The following ZNF385D variants were observed in gnomAD, a reference collection of about 807,000 sequenced individuals.
ZNF385D encodes the protein zinc finger protein 659.
Under a neutral mutation model 35.8 loss-of-function variants are expected in ZNF385D, and 15 were observed. The ratio of observed to expected loss-of-function variants is 0.42; its 90% CI spans 0.28 to 0.64. The LOEUF (loss-of-function observed/expected upper bound fraction) is 0.64, where lower values mean the gene tolerates loss of function less well. ZNF385D is among the 30% of genes least tolerant of loss of function. ZNF385D has a pLI of 0.23. For missense variants in ZNF385D, 474 were observed against 494.6 expected, an observed-to-expected ratio of 0.96 and a Z score of 0.39; for synonymous variants, 212 against 186.8, an observed-to-expected ratio of 1.13 and a Z score of -1.10.
At chr3:22,199,788 C>T (rs75580050) in intron 2 of ZNF385D, among the ~76,000 whole-genome samples, 1 of 151,880 alleles carries the variant, frequency 6.6e-6, no homozygotes, top group Non-Finnish European at 1.5e-5. Flanking sequence ...AGAATTAATA[C>T]CCAGTCAACA....
At chr3:22,088,292 T>G (rs1440965913) in intron 3 of ZNF385D, among the ~76,000 whole-genome samples, 1 of 152,178 alleles carries the variant, frequency 6.6e-6, no homozygotes, top group Non-Finnish European at 1.5e-5. Context: ...TGATAAAACA[T>G]GAGAGGGCTC....
chr3:21,592,543 C>CAA (rs3041752), intron 2 of ZNF385D, among the ~76,000 whole-genome samples: 43,389 of 123,862 alleles, frequency 0.35, 7,076 homozygotes, highest in Middle Eastern at 0.41. Context: ...GTCTTCATGG[C>CAA]AAAAAAAAAA....
intron 4 of ZNF385D, among the ~76,000 whole-genome samples, chr3:21,453,289 A>C (rs1559460524): frequency 6.6e-6 from 1 of 151,954 alleles, no homozygotes; most frequent in Non-Finnish European, 1.5e-5. Context: ...AGGAATAAAT[A>C]TTTGTGACCT....
Position 21,740,772 on chromosome 3 carries a change from G to A in ZNF385D, c.22+10123C>T, listed in dbSNP as rs574331074. ...CCTGGGGCAATGTGGAACTTCCCAG[G>A]GCCTCAGGATGCTTACTGTAAAATG... On this transcript the variant is annotated intron_variant, in intron 1 of 7. Coordinates refer to ENST00000281523, the MANE Select transcript of ZNF385D (RefSeq NM_024697.3). Among the ~76,000 whole-genome samples, 9 of 152,224 alleles carry A rather than the reference G, an allele frequency of 5.9e-5. 1 individual carries two copies. The South Asian group carries it at 1.7e-3, about 28-fold the overall frequency.
chr3:22,080,762 G>A (rs947383538), intron 3 of ZNF385D, among the ~76,000 whole-genome samples: 3 of 152,090 alleles, frequency 2.0e-5, no homozygotes, highest in African/African-American at 7.2e-5. Context: ...GGGGCAATTA[G>A]ATTATGAGGG....
chr3:22,131,918 G>A (rs1703818119), intron 3 of ZNF385D, among the ~76,000 whole-genome samples: 1 of 152,122 alleles, frequency 6.6e-6, no homozygotes, highest in African/African-American at 2.4e-5. Context: ...GGAGGCTGAT[G>A]CTAATGAATT....
At chr3:21,834,748 G>A (rs1389356590) in intron 3 of ZNF385D, among the ~76,000 whole-genome samples, 1 of 127,284 alleles carries the variant, frequency 7.9e-6, no homozygotes, top group Non-Finnish European at 1.6e-5. Flanking sequence ...CGTGTCGACA[G>A]TGGGATCTCG....
intron 3 of ZNF385D, among the ~76,000 whole-genome samples, chr3:22,118,601 T>A (rs983764105): frequency 1.3e-5 from 2 of 152,112 alleles, no homozygotes; most frequent in Non-Finnish European, 2.9e-5. Context: ...TCAACTTTTT[T>A]TTCCCAATGA....
intron 3 of ZNF385D, among the ~76,000 whole-genome samples, chr3:21,796,904 G>C (rs1049231431): frequency 6.6e-6 from 1 of 152,174 alleles, no homozygotes; most frequent in Non-Finnish European, 1.5e-5. Context: ...AGGACTCTGA[G>C]TTCCCACCTC....
intron 1 of ZNF385D, among the ~76,000 whole-genome samples, chr3:21,694,317 G>T (rs889563284): frequency 1.3e-5 from 2 of 151,972 alleles, no homozygotes; most frequent in African/African-American, 4.8e-5. Flanking sequence ...TTACAGGCGT[G>T]AGCCACCGCG....
At chr3:22,171,899 A>AG (rs1282207816) in intron 2 of ZNF385D, among the ~76,000 whole-genome samples, 3 of 146,568 alleles carry the variant, frequency 2.0e-5, no homozygotes, top group Non-Finnish European at 4.5e-5. Flanking sequence ...AAAAAAAAAA[A>AG]AAATTATAGA....
intron 3 of ZNF385D, among the ~76,000 whole-genome samples, chr3:22,027,937 C>T (rs899687061): frequency 2.6e-5 from 4 of 152,194 alleles, no homozygotes; most frequent in Non-Finnish European, 5.9e-5. Flanking sequence ...TGCAGCACTA[C>T]AGCCCCTTTC....
Position 22,221,276 on chromosome 3 carries a change from TTTC to T in ZNF385D, c.107-52244_107-52242del, listed in dbSNP as rs200072422. ...CTACAGAGAATATTAGAATCAACTT[TTTC>T]TTGTTTTTCACTTTTCTTATGTAAG... On this transcript the variant is annotated intron_variant, in intron 2 of 5. Coordinates refer to the ZNF385D transcript ENST00000494108. Among the ~76,000 whole-genome samples, 202 of 152,240 alleles carry T rather than the reference TTTC, an allele frequency of 1.3e-3. 3 individuals carry two copies. In the South Asian group the frequency reaches 0.028, roughly 21 times the overall value.
intron 3 of ZNF385D, among the ~76,000 whole-genome samples, chr3:22,000,044 G>A (rs1220341992): frequency 1.3e-5 from 2 of 152,070 alleles, no homozygotes; most frequent in Non-Finnish European, 1.5e-5. Context: ...GGTGGCTCAC[G>A]CCTGTAATTC....
chr3:22,245,800 T>A (rs1467697830), intron 2 of ZNF385D, among the ~76,000 whole-genome samples: 2 of 152,064 alleles, frequency 1.3e-5, no homozygotes, highest in African/African-American at 4.8e-5. Context: ...ACCTGTCTTA[T>A]CAGGCAAGAT....
intron 3 of ZNF385D, among the ~76,000 whole-genome samples, chr3:21,889,172 A>G (rs1698708538): frequency 6.6e-6 from 1 of 152,212 alleles, no homozygotes; most frequent in Non-Finnish European, 1.5e-5. Context: ...TGCTTGTAGT[A>G]CTAGAGAATA....
intron 3 of ZNF385D, among the ~76,000 whole-genome samples, chr3:21,918,186 T>C (rs1262890606): frequency 7.5e-6 from 1 of 133,236 alleles, no homozygotes; most frequent in East Asian, 2.3e-4. Context: ...GGGAATATGA[T>C]TGAAAAGCAA....
intron 3 of ZNF385D, among the ~76,000 whole-genome samples, chr3:22,105,541 G>A (rs1702163135): frequency 6.6e-6 from 1 of 152,224 alleles, no homozygotes; most frequent in East Asian, 1.9e-4. Flanking sequence ...GGAGACCCAG[G>A]AAAGCAGGTG....
At chr3:21,473,419 T>A (rs1472761902) in intron 4 of ZNF385D, among the ~76,000 whole-genome samples, 1 of 152,144 alleles carries the variant, frequency 6.6e-6, no homozygotes, top group Non-Finnish European at 1.5e-5. Context: ...CTTTTATTTA[T>A]CTCCTTTTCT....
Sources: allele counts gnomAD v4.1 joint callset (sites outside exome capture counted in the v4.1 genomes callset), GRCh38; gene constraint gnomAD v4.1.1; transcripts MANE v1.5; gene names NCBI Gene and HGNC (gene_info 2026-07-23, HGNC 2026-07-21).